The following BRI3 variants were observed in gnomAD, a reference collection of about 807,000 sequenced individuals.
BRI3 encodes brain protein I3, also known as membrane protein BRI3.
In BRI3, 6 loss-of-function variants were observed where a neutral mutation model predicts 12.8. The ratio of observed to expected loss-of-function variants is 0.47; its 90% CI spans 0.26 to 0.93. BRI3 has a LOEUF of 0.93. Ranked by LOEUF, BRI3 falls within the 40% of genes least tolerant of loss-of-function variation. The pLI, the probability that BRI3 is intolerant of heterozygous loss-of-function variation, is 0.15. For synonymous variants in BRI3, 91 were observed against 76.1 expected (o/e 1.20, Z -1.02); for missense variants, 134 against 171.1 (o/e 0.78, Z 1.21).
At chr7:98,284,491 T>C (rs1439560499) in intron 2 of BRI3, among the ~76,000 whole-genome samples, 1 of 151,816 alleles carries the variant, frequency 6.6e-6, no homozygotes, top group Non-Finnish European at 1.5e-5. Flanking sequence ...GCGAGGAGAG[T>C]GGAGACGGTT....
chr7:98,315,546 C>T, the BRI3 span: 2 of 1,517,848 alleles, frequency 1.3e-6, no homozygotes, highest in Non-Finnish European at 1.8e-6. Flanking sequence ...TCAAGCAGAG[C>T]CTCTTTGCAA....
downstream of BRI3, chr7:98,312,342 G>T (rs189961229): frequency 1.4e-6 from 2 of 1,436,756 alleles, no homozygotes; most frequent in East Asian, 4.7e-5. Flanking sequence ...ACGTCATATC[G>T]CTGATAACAG....
At chr7:98,282,515 C>T (rs1185092091) in intron 2 of BRI3, 62 bp downstream of exon 2, 1 of 1,380,642 alleles carries the variant, frequency 7.2e-7, no homozygotes, top group East Asian at 2.3e-5. Flanking sequence ...GCCCTAACCC[C>T]CAGGACCTCA....
At position 98,307,545 on chromosome 7, in the gene BRI3, C is replaced by G. The variant is rs111950058; in HGVS notation, n.175C>G. 1,325 of 1,463,134 alleles carry G rather than the reference C, an allele frequency of 9.1e-4. 21 individuals are homozygous for G. The African/African-American group carries it at 0.016, about 18-fold the overall frequency. 90.6% of individuals were successfully genotyped at this position (1,463,134 alleles called of 1,614,324 possible). A position where few individuals can be genotyped will look rare whatever the true frequency, so the allele number is the denominator to read the frequency against. On this transcript the variant is annotated non_coding_transcript_exon_variant, in exon 2 of 2. Transcript: ENST00000485422. ...CAGAAAATAGCCTGGGATCGAATAA[C>G]TTCAGTTAACTAAACTAGAACTAAA... is the stretch of plus-strand genomic sequence containing the variant.
the BRI3 span, among the ~76,000 whole-genome samples, chr7:98,320,559 C>T: frequency 6.6e-6 from 1 of 152,204 alleles, no homozygotes; most frequent in Non-Finnish European, 1.5e-5. Flanking sequence ...TGGTCTTGAA[C>T]TCCTAACCTC....
the BRI3 span, among the ~76,000 whole-genome samples, chr7:98,316,755 C>G: frequency 6.6e-6 from 1 of 152,118 alleles, no homozygotes; most frequent in Non-Finnish European, 1.5e-5. Context: ...GACCCATTAA[C>G]CAACCTCTCC....
upstream of BRI3, chr7:98,304,451 G>A (rs937842265): frequency 1.0e-4 from 149 of 1,469,860 alleles, no homozygotes; most frequent in Non-Finnish European, 1.3e-4. Context: ...CTGTGTCCCT[G>A]ACCAAGGACA....
At chr7:98,307,715 G>C in exon 2 of BRI3, 1 of 1,614,204 alleles carries the variant, frequency 6.2e-7, no homozygotes, top group Admixed American at 1.7e-5. Context: ...GTTCTCCATA[G>C]AGCCAGCCAT....
At chr7:98,314,685 G>A (rs746400276), downstream of BRI3, among the ~76,000 whole-genome samples, 17 of 152,118 alleles carry the variant, frequency 1.1e-4, no homozygotes, top group East Asian at 3.9e-4. Flanking sequence ...GTCCTGATGC[G>A]CGTGAATGGG....
At chr7:98,308,813 G>C (rs1800762956) in exon 2 of BRI3, 1 of 153,972 alleles carries the variant, frequency 6.5e-6, no homozygotes, top group South Asian at 2.0e-4. Context: ...AAGTAGCTGG[G>C]ACTACAGGCA....
chr7:98,284,864 CTGCCCTGCCT>C (rs1200994944), intron 2 of BRI3, among the ~76,000 whole-genome samples: 2 of 152,200 alleles, frequency 1.3e-5, no homozygotes, highest in African/African-American at 2.4e-5. Flanking sequence ...CTGCCCTGCC[CTGCCCTGCCT>C]TGCCCTGCCC....
intron 2 of BRI3, among the ~76,000 whole-genome samples, chr7:98,290,483 C>T (rs1799887718): frequency 6.6e-6 from 1 of 151,616 alleles, no homozygotes; most frequent in Non-Finnish European, 1.5e-5. Context: ...GCGTGAGCCA[C>T]CGCGCCCGGC....
the BRI3 span, among the ~76,000 whole-genome samples, chr7:98,318,559 G>A: frequency 5.9e-5 from 9 of 151,924 alleles, no homozygotes; most frequent in East Asian, 2.0e-4. Context: ...GATTACAGGC[G>A]TGAGCCACCA....
chr7:98,303,656 G>T (rs1788167060), upstream of BRI3, among the ~76,000 whole-genome samples: 1 of 152,214 alleles, frequency 6.6e-6, no homozygotes, highest in Non-Finnish European at 1.5e-5. Context: ...GGATGAACTG[G>T]TTCCGGGAGC....
the BRI3 span, among the ~76,000 whole-genome samples, chr7:98,319,337 C>T: frequency 3.3e-5 from 5 of 152,310 alleles, no homozygotes; most frequent in East Asian, 3.9e-4. Flanking sequence ...CATGCAGGAG[C>T]GGTCTCTGCA....
downstream of BRI3, among the ~76,000 whole-genome samples, chr7:98,296,262 G>A (rs557666363): frequency 6.6e-5 from 10 of 152,332 alleles, no homozygotes; most frequent in South Asian, 1.0e-3. Flanking sequence ...CTGGGTATAC[G>A]GAGTCACATC....
chr7:98,319,784 C>T, the BRI3 span, among the ~76,000 whole-genome samples: 1 of 152,158 alleles, frequency 6.6e-6, no homozygotes, highest in Non-Finnish European at 1.5e-5. Context: ...CTACTGACCT[C>T]AAGTGATCCG....
intron 1 of BRI3, 116 bp downstream of exon 1, chr7:98,282,053 T>G: frequency 3.1e-6 from 4 of 1,286,204 alleles, no homozygotes; most frequent in Non-Finnish European, 4.0e-6. Flanking sequence ...GAGCTGGAGG[T>G]CCCCGGGCTG....
chr7:98,311,295 G>A (rs1330431944), downstream of BRI3, among the ~76,000 whole-genome samples: 1 of 152,130 alleles, frequency 6.6e-6, no homozygotes, highest in African/African-American at 2.4e-5. Flanking sequence ...TGTAACCCCA[G>A]CACTTTGGGA....
Sources: allele counts gnomAD v4.1 joint callset (sites outside exome capture counted in the v4.1 genomes callset), GRCh38; gene constraint gnomAD v4.1.1; transcripts MANE v1.5; gene names NCBI Gene and HGNC (gene_info 2026-07-23, HGNC 2026-07-21).